MYO3B: variants seen among roughly 807,000 people sequenced by gnomAD.
MYO3B encodes the protein myosin-IIIb.
Under a neutral mutation model 174.6 loss-of-function variants are expected in MYO3B, and 156 were observed. The ratio of observed to expected loss-of-function variants is 0.89; its 90% CI spans 0.78 to 1.02. MYO3B has a LOEUF of 1.02. Among genes scored for constraint, MYO3B ranks in the 50% least tolerant of loss-of-function variants. The pLI, the probability that MYO3B is intolerant of heterozygous loss-of-function variation, is 0.00. For synonymous variants in MYO3B, 563 were observed against 569.1 expected (o/e 0.99, Z 0.15); for missense variants, 1,632 against 1,639.4 (o/e 1.00, Z 0.08).
intron 25 of MYO3B, among the ~76,000 whole-genome samples, chr2:170,473,801 A>G (rs1281718870): frequency 6.6e-6 from 1 of 152,172 alleles, no homozygotes; most frequent in Non-Finnish European, 1.5e-5. Flanking sequence ...AGGACAAGGA[A>G]GACTCTCTCG....
chr2:170,554,434 G>T (rs1408062614), intron 32 of MYO3B, among the ~76,000 whole-genome samples: 1 of 152,218 alleles, frequency 6.6e-6, no homozygotes, highest in African/African-American at 2.4e-5. Flanking sequence ...TATTGGAGGA[G>T]CTGAGGCTAG....
intron 6 of MYO3B, among the ~76,000 whole-genome samples, chr2:170,232,377 C>T (rs558782002): frequency 2.6e-5 from 4 of 152,306 alleles, no homozygotes; most frequent in East Asian, 1.9e-4. Context: ...TAACTCTCAT[C>T]GTATGTGTAA....
At position 170,474,425 on chromosome 2, in the gene MYO3B, G is replaced by A. The variant is rs116562525; in HGVS notation, c.3014+7714G>A. 6.2e-3 allele frequency among the ~76,000 whole-genome samples: 950 copies of A among 152,004 alleles called. 5 individuals are homozygous for A. Among genetic ancestry groups the A allele is most frequent in the African/African-American group, 0.022 (892 of 41,480 alleles). On this transcript the variant is annotated intron_variant, in intron 25 of 34. Transcript: ENST00000408978. ...ATGGACTCTTTAAAGGAAGGATAGG[G>A]ATGGATAGGCTAAAACGATAGGCAT...
intron 6 of MYO3B, among the ~76,000 whole-genome samples, chr2:170,230,672 A>G (rs904443678): frequency 1.6e-4 from 24 of 152,304 alleles, no homozygotes; most frequent in African/African-American, 5.5e-4. Flanking sequence ...GAAATAATCC[A>G]TGCTCTCTAT....
In MYO3B at chr2:170,206,456, G is replaced by A. The variant is rs138175492; in HGVS notation, c.321+6172G>A. 1.6e-3 allele frequency among the ~76,000 whole-genome samples: 244 copies of A among 152,262 alleles called. No individual in the cohort carries two copies. The highest frequency in any genetic ancestry group is 5.3e-3 in the African/African-American group (220 of 41,554). On this transcript the variant is annotated intron_variant, in intron 3 of 34. Transcript: ENST00000408978. This position sits in a 1 kb window ranked among gnomAD's most constrained non-coding sequence, Gnocchi z 4.3. ...GAGATTGTGTCATATTCATGATTGA[G>A]TAATAGGTAATAAACCAGACAGTCA...
chr2:170,371,719 G>A (rs2094246814), intron 9 of MYO3B, among the ~76,000 whole-genome samples: 1 of 151,076 alleles, frequency 6.6e-6, no homozygotes, highest in African/African-American at 2.4e-5. Context: ...AAATTGAGGT[G>A]AGTATATAGA....
At chr2:170,447,938 G>T (rs1683330683) in intron 23 of MYO3B, among the ~76,000 whole-genome samples, 1 of 152,174 alleles carries the variant, frequency 6.6e-6, no homozygotes, top group African/African-American at 2.4e-5. Flanking sequence ...AGATGAGTCA[G>T]TTTATTGATC....
intron 32 of MYO3B, among the ~76,000 whole-genome samples, chr2:170,548,482 C>A (rs1046722619): frequency 2.0e-5 from 3 of 152,136 alleles, no homozygotes; most frequent in Admixed American, 2.0e-4. Flanking sequence ...CTGAGGTTCA[C>A]TTTATGAGTA....
chr2:170,222,638 C>T (rs1490964088), intron 6 of MYO3B, among the ~76,000 whole-genome samples: 3 of 152,116 alleles, frequency 2.0e-5, no homozygotes, highest in Non-Finnish European at 2.9e-5. Flanking sequence ...CCAGTCCCGT[C>T]GGATTAGAGG....
At chr2:170,526,886 G>A (rs1689036844) in intron 30 of MYO3B, among the ~76,000 whole-genome samples, 1 of 152,186 alleles carries the variant, frequency 6.6e-6, no homozygotes, top group African/African-American at 2.4e-5. Flanking sequence ...CCTTTTAGAA[G>A]ATTTCTGTAT....
intron 28 of MYO3B, among the ~76,000 whole-genome samples, chr2:170,512,356 G>A (rs1436816208): frequency 6.6e-6 from 1 of 152,186 alleles, no homozygotes; most frequent in Non-Finnish European, 1.5e-5. Flanking sequence ...CTGATAAGAT[G>A]GCTGATGACC....
chr2:170,339,378 A>G (rs1360804960), intron 8 of MYO3B, among the ~76,000 whole-genome samples: 1 of 152,252 alleles, frequency 6.6e-6, no homozygotes, highest in African/African-American at 2.4e-5. Context: ...CTGAGCCGTA[A>G]CAGAGTCGAT....
At chr2:170,618,260 C>T (rs1001839260) in intron 32 of MYO3B, among the ~76,000 whole-genome samples, 3 of 151,988 alleles carry the variant, frequency 2.0e-5, no homozygotes, top group African/African-American at 4.8e-5. Context: ...TGTCACGGCT[C>T]GAATAAGAGG....
intron 32 of MYO3B, among the ~76,000 whole-genome samples, chr2:170,637,479 T>C (rs752004129): frequency 6.6e-6 from 1 of 152,038 alleles, no homozygotes; most frequent in Non-Finnish European, 1.5e-5. Context: ...CACCTGAGTA[T>C]AGGGATATTT....
chr2:170,409,679 G>C (rs1338446568), intron 22 of MYO3B, among the ~76,000 whole-genome samples: 1 of 152,222 alleles, frequency 6.6e-6, no homozygotes, highest in Admixed American at 6.5e-5. Context: ...TAGTAATAAG[G>C]TACTTTTTAG....
At chr2:170,629,500 T>C (rs2105373494) in intron 32 of MYO3B, among the ~76,000 whole-genome samples, 1 of 152,328 alleles carries the variant, frequency 6.6e-6, no homozygotes, top group South Asian at 2.1e-4. Context: ...GAATCCTTTT[T>C]CTTGTAATAC....
intron 1 of MYO3B, among the ~76,000 whole-genome samples, chr2:170,181,719 G>A (rs1008738060): frequency 2.0e-5 from 3 of 152,082 alleles, no homozygotes; most frequent in Admixed American, 2.0e-4. Context: ...TTTATGTTCT[G>A]TTAATATAAA....
intron 7 of MYO3B, among the ~76,000 whole-genome samples, chr2:170,256,718 C>T (rs2093307749): frequency 6.6e-6 from 1 of 152,080 alleles, no homozygotes; most frequent in East Asian, 1.9e-4. Flanking sequence ...TAGCAACCAG[C>T]TAATAACATC....
intron 7 of MYO3B, among the ~76,000 whole-genome samples, chr2:170,283,074 T>G (rs558924252): frequency 6.6e-6 from 1 of 152,156 alleles, no homozygotes; most frequent in Non-Finnish European, 1.5e-5. Context: ...TGGGCTAGGA[T>G]GCAGTTTGGT....
Sources: allele counts gnomAD v4.1 joint callset (sites outside exome capture counted in the v4.1 genomes callset), GRCh38; gene constraint gnomAD v4.1.1; non-coding constraint Gnocchi (gnomAD v3.1); transcripts MANE v1.5; gene names NCBI Gene and HGNC (gene_info 2026-07-23, HGNC 2026-07-21).